The following INPP4B variants were observed in gnomAD, a reference collection of about 807,000 sequenced individuals.
INPP4B encodes inositol polyphosphate-4-phosphatase type II B.
Under a neutral mutation model 122.5 loss-of-function variants are expected in INPP4B, and 55 were observed. The ratio of observed to expected loss-of-function variants is 0.45; its 90% confidence interval spans 0.36 to 0.56. INPP4B has a LOEUF of 0.56. Ranked by LOEUF, INPP4B falls within the 20% of genes least tolerant of loss-of-function variation. The pLI is 0.00. For synonymous variants in INPP4B, 403 were observed against 388.7 expected, an observed-to-expected ratio of 1.04 and a Z score of -0.43; for missense variants, 1,000 against 1,097.7, an observed-to-expected ratio of 0.91 and a Z score of 1.26.
At chr4:142,559,855 T>C (rs1560800031) in intron 2 of INPP4B, among the ~76,000 whole-genome samples, 1 of 152,158 alleles carries the variant, frequency 6.6e-6, no homozygotes, top group African/African-American at 2.4e-5. Flanking sequence ...ATCTTCTTCC[T>C]ATTATTATGT....
At chr4:142,534,268 T>C (rs1016406645) in intron 2 of INPP4B, among the ~76,000 whole-genome samples, 4 of 152,072 alleles carry the variant, frequency 2.6e-5, no homozygotes, top group African/African-American at 9.7e-5. Context: ...GGTGTTATGG[T>C]TTGGATGATG....
chr4:142,392,016 C>T (rs759737196), intron 7 of INPP4B, among the ~76,000 whole-genome samples: 7 of 152,172 alleles, frequency 4.6e-5, no homozygotes, highest in Non-Finnish European at 1.0e-4. Flanking sequence ...TTATGGTTCA[C>T]TGAGGACAGT....
chr4:142,460,474 TATG>T (rs1165424083), intron 3 of INPP4B, among the ~76,000 whole-genome samples: 9 of 152,204 alleles, frequency 5.9e-5, no homozygotes, highest in Non-Finnish European at 1.2e-4. Flanking sequence ...CCGGCTGGAA[TATG>T]ATGTTTTTCT....
At chr4:142,715,395 C>G (rs991816946) in intron 2 of INPP4B, among the ~76,000 whole-genome samples, 1 of 152,158 alleles carries the variant, frequency 6.6e-6, no homozygotes, top group African/African-American at 2.4e-5. Flanking sequence ...ATCACATGTG[C>G]CTAGTGGCTA....
chr4:142,572,343 G>T (rs577692163), intron 2 of INPP4B, among the ~76,000 whole-genome samples: 3 of 152,198 alleles, frequency 2.0e-5, no homozygotes, highest in Non-Finnish European at 4.4e-5. Flanking sequence ...GAGCTGTGGG[G>T]TATCTACATT....
intron 9 of INPP4B, among the ~76,000 whole-genome samples, chr4:142,289,138 G>A (rs1187097953): frequency 6.6e-6 from 1 of 152,046 alleles, no homozygotes; most frequent in Non-Finnish European, 1.5e-5. Flanking sequence ...GAAAGCATCA[G>A]ACAGAGACTT....
rs115528007 is a variant in INPP4B, at chr4:142,682,869, A to C, written c.-191+42970T>G. 9.3e-3 allele frequency among the ~76,000 whole-genome samples: 1,417 copies of C among 152,080 alleles called. 20 individuals are homozygous for C. The highest frequency in any genetic ancestry group is 0.033 in the African/African-American group (1,354 of 41,546). ...TAAGATATCCATTAGTAGGTATAAA[A>C]ACGGTACTTTAGCTTTTGGAACAGT... is the stretch of plus-strand genomic sequence containing the variant. On this transcript the variant is annotated intron_variant, in intron 2 of 25. Coordinates refer to ENST00000262992, the MANE Select transcript of INPP4B (RefSeq NM_001101669.3).
intron 1 of INPP4B, among the ~76,000 whole-genome samples, chr4:142,737,588 C>T (rs550414309): frequency 7.0e-4 from 107 of 152,308 alleles, no homozygotes; most frequent in African/African-American, 2.5e-3. Context: ...AAAGCAATGG[C>T]AACAGAAGCC....
chr4:142,246,022 ATGTACACACACGTGTG>A (rs1728344816), intron 11 of INPP4B, among the ~76,000 whole-genome samples: 6 of 140,326 alleles, frequency 4.3e-5, no homozygotes, highest in Admixed American at 1.4e-4. Flanking sequence ...ACATGTGTGT[ATGTACACACACGTGTG>A]TGTATACACA....
intron 2 of INPP4B, among the ~76,000 whole-genome samples, chr4:142,480,515 T>C (rs978074803): frequency 6.6e-6 from 1 of 152,074 alleles, no homozygotes; most frequent in African/African-American, 2.4e-5. Flanking sequence ...GGGTGCAAGG[T>C]AGTCTGAGAA....
chr4:142,457,194 A>G (rs985301620), intron 3 of INPP4B, among the ~76,000 whole-genome samples: 17 of 152,090 alleles, frequency 1.1e-4, no homozygotes, highest in Non-Finnish European at 2.1e-4. Context: ...ACAGGAAAAT[A>G]TAGAAGAAAA....
intron 7 of INPP4B, among the ~76,000 whole-genome samples, chr4:142,346,318 C>T (rs1780307727): frequency 6.6e-6 from 1 of 151,994 alleles, no homozygotes; most frequent in Non-Finnish European, 1.5e-5. Flanking sequence ...TTTCACTTTT[C>T]TTCTTTTTGA....
Position 142,697,332 on chromosome 4 carries a change from A to G in INPP4B, c.-191+28507T>C, listed in dbSNP as rs989876443. ...CCTTGCTCCCAGAAAAGCTACCTAA[A>G]TTCTCTGAGTTGCCATTCATAAAAA... is the stretch of plus-strand genomic sequence containing the variant. On this transcript the variant is annotated intron_variant, in intron 2 of 25. Transcript: ENST00000262992. Among the ~76,000 whole-genome samples, 44 of 152,242 alleles carry G rather than the reference A, an allele frequency of 2.9e-4. 1 individual carries two copies. The highest frequency in any genetic ancestry group is 1.0e-3 in the African/African-American group (43 of 41,556).
chr4:142,541,138 TAAAC>T (rs771936775), intron 2 of INPP4B, among the ~76,000 whole-genome samples: 3 of 152,222 alleles, frequency 2.0e-5, no homozygotes, highest in Non-Finnish European at 4.4e-5. Flanking sequence ...GAGATTATCT[TAAAC>T]AGATGATATT....
At chr4:142,359,400 A>G (rs555933439) in intron 7 of INPP4B, among the ~76,000 whole-genome samples, 9 of 152,070 alleles carry the variant, frequency 5.9e-5, no homozygotes, top group Non-Finnish European at 1.2e-4. Context: ...CAAAGATTAA[A>G]TAATTATAAA....
intron 23 of INPP4B, among the ~76,000 whole-genome samples, chr4:142,096,818 C>T (rs1782021983): frequency 6.6e-6 from 1 of 152,040 alleles, no homozygotes; most frequent in Admixed American, 6.6e-5. Context: ...ATCTTCAGTT[C>T]ACTGCAGAAG....
At chr4:142,338,946 A>AGAGGGTCCAGGAGGGGAGAACG (rs563618158) in intron 7 of INPP4B, among the ~76,000 whole-genome samples, 3 of 151,726 alleles carry the variant, frequency 2.0e-5, no homozygotes, top group African/African-American at 2.4e-5. Context: ...GCAGGAGAAC[A>AGAGGGTCCAGGAGGGGAGAACG]GAGGGTCCAG....
rs538060508 is a variant in INPP4B, at chr4:142,566,399, G to A, written c.-190-103673C>T. ...ATTGAATGTGAAGGAGATGTAAAAG[G>A]AGGGGAAAAAAGAGTCTTATTTACT... On this transcript the variant is annotated intron_variant, in intron 2 of 25. Transcript: ENST00000262992. Among the ~76,000 whole-genome samples the A allele has an allele frequency of 1.4e-4, 21 of 152,224 alleles. No homozygotes were observed. The South Asian group carries it at 2.5e-3, about 18-fold the overall frequency.
At chr4:142,773,894 C>T (rs906233288) in intron 1 of INPP4B, among the ~76,000 whole-genome samples, 1 of 152,050 alleles carries the variant, frequency 6.6e-6, no homozygotes, top group Non-Finnish European at 1.5e-5. Context: ...ATAACAGTAG[C>T]GCTGCCTTCC....
Sources: gnomAD v4.1 joint callset for allele counts (sites outside exome capture counted in the v4.1 genomes callset) on GRCh38, gnomAD v4.1.1 for gene constraint, MANE v1.5 for transcripts, NCBI Gene and HGNC (gene_info 2026-07-23, HGNC 2026-07-21) for gene names.